The following ARL8B variants were observed in gnomAD, a reference collection of about 807,000 sequenced individuals.
ARL8B encodes the protein ARF like GTPase 8B.
A neutral mutation model predicts 30.6 loss-of-function variants in ARL8B; 9 were observed. That is an observed-to-expected ratio of 0.29 (90% CI 0.18 to 0.51). The LOEUF (loss-of-function observed/expected upper bound fraction) is 0.51, where lower values mean the gene tolerates loss of function less well. ARL8B is among the 20% of genes least tolerant of loss of function. ARL8B has a pLI of 0.97. For synonymous variants in ARL8B, 74 were observed against 76.0 expected, an observed-to-expected ratio of 0.97 and a Z score of 0.14; for missense variants, 130 against 227.2, an observed-to-expected ratio of 0.57 and a Z score of 2.75.
intron 1 of ARL8B, among the ~76,000 whole-genome samples, chr3:5,169,550 T>C (rs948039154): frequency 7.0e-6 from 1 of 142,278 alleles, no homozygotes; most frequent in African/African-American, 2.9e-5. Context: ...TTCTTTCCAG[T>C]GCTTTCTGTT....
chr3:5,124,583 C>T (rs1379824952), intron 1 of ARL8B, among the ~76,000 whole-genome samples: 1 of 152,092 alleles, frequency 6.6e-6, no homozygotes, highest in Admixed American at 6.5e-5. Flanking sequence ...TTCCCTGTCT[C>T]AGCCTCCCAA....
At chr3:5,153,965 TTTGA>T (rs1300739237) in intron 1 of ARL8B, among the ~76,000 whole-genome samples, 1 of 152,186 alleles carries the variant, frequency 6.6e-6, no homozygotes, top group Non-Finnish European at 1.5e-5. Context: ...CGGAAGATGC[TTTGA>T]TTGTTTCTGA....
At position 5,169,309 on chromosome 3, in the gene ARL8B, G is replaced by GTT. The variant is rs1167790721; in HGVS notation, c.124-1193_124-1192insTT. Among the ~76,000 whole-genome samples, 309 of 87,198 alleles carry GTT rather than the reference G, an allele frequency of 3.5e-3. 1 individual carries two copies. The highest frequency in any genetic ancestry group is 0.024 in the African/African-American group (289 of 12,244). 57.2% of individuals were successfully genotyped at this position (87,198 alleles called of 152,430 possible). A position where few individuals can be genotyped will look rare whatever the true frequency, so the allele number is the denominator to read the frequency against. On this transcript the variant is annotated intron_variant, in intron 1 of 6. Transcript: ENST00000256496. ...TCATAAAGTGAAATACAGTGTTTGT[G>GTT]TGTGTGTGTGTGTGTGTGTGTGTGT...
At chr3:5,159,602 C>CAAAAAAAAA (rs71053495) in intron 1 of ARL8B, among the ~76,000 whole-genome samples, 2 of 77,046 alleles carry the variant, frequency 2.6e-5, no homozygotes, top group Admixed American at 1.6e-4. Flanking sequence ...AACTCCGTCT[C>CAAAAAAAAA]AAAAAAAAAA....
At chr3:5,137,937 A>G (rs995748602) in intron 1 of ARL8B, among the ~76,000 whole-genome samples, 6 of 150,858 alleles carry the variant, frequency 4.0e-5, no homozygotes, top group African/African-American at 1.2e-4. Context: ...TTTGCTCACT[A>G]TTATTATATT....
chr3:5,173,751 T>C (rs1420484431), intron 4 of ARL8B, among the ~76,000 whole-genome samples: 3 of 149,776 alleles, frequency 2.0e-5, no homozygotes, highest in Admixed American at 2.0e-4. Flanking sequence ...ACAAAAAGAA[T>C]AGCAGAATGT....
chr3:5,140,817 C>T (rs886688975), intron 1 of ARL8B, among the ~76,000 whole-genome samples: 4 of 152,128 alleles, frequency 2.6e-5, no homozygotes, highest in Non-Finnish European at 5.9e-5. Flanking sequence ...GATGTTGGTT[C>T]ACGCCTGTGA....
intron 2 of ARL8B, among the ~76,000 whole-genome samples, 189 bp from the exon 3 acceptor site, chr3:5,171,961 A>T (rs1410429557): frequency 6.6e-6 from 1 of 152,230 alleles, no homozygotes; most frequent in Admixed American, 6.5e-5. Flanking sequence ...TACGGACTTC[A>T]AGTTTAGAAG....
In ARL8B at chr3:5,180,081, G is replaced by A. The variant is rs909897151; in HGVS notation, c.*1368G>A. ...TTATGTGTTGCCTCACACTGTGTGT[G>A]ATTTTGTTTCTTTTGTTAAGCAGCA... On this transcript the variant is annotated 3_prime_UTR_variant, in exon 7 of 7. Coordinates refer to ENST00000256496, the MANE Select transcript of ARL8B (RefSeq NM_018184.3). 1 of 152,652 alleles carries A rather than the reference G, an allele frequency of 6.6e-6. No individual in the cohort carries two copies. The highest frequency in any genetic ancestry group is 2.4e-5 in the African/African-American group (1 of 41,460). The allele number at this position is 152,652 out of a possible 1,614,324, so 9.5% of individuals were successfully genotyped here. A position where few individuals can be genotyped will look rare whatever the true frequency, so the allele number is the denominator to read the frequency against.
chr3:5,177,152 A>AT (rs1490024089), intron 6 of ARL8B, among the ~76,000 whole-genome samples: 2 of 152,142 alleles, frequency 1.3e-5, no homozygotes, highest in Admixed American at 1.3e-4. Context: ...TTGGGCTCAT[A>AT]TATGGAAGTG....
intron 1 of ARL8B, among the ~76,000 whole-genome samples, chr3:5,133,771 AT>A (rs1279643409): frequency 1.3e-5 from 2 of 152,236 alleles, no homozygotes; most frequent in East Asian, 3.9e-4. Context: ...TCTACAAAAA[AT>A]AAAAAAATAA....
chr3:5,161,647 G>T (rs2054583897), intron 1 of ARL8B, among the ~76,000 whole-genome samples: 1 of 152,246 alleles, frequency 6.6e-6, no homozygotes, highest in African/African-American at 2.4e-5. Context: ...GATTGAGTAA[G>T]AGGGTTTAGA....
intron 6 of ARL8B, among the ~76,000 whole-genome samples, chr3:5,174,749 A>AAT (rs1196232947): frequency 1.4e-5 from 2 of 143,890 alleles, no homozygotes; most frequent in East Asian, 3.9e-4. Context: ...TGTAATATAT[A>AAT]ATATATATAA....
rs939185158 is a variant in ARL8B, at chr3:5,170,599, C to G, written c.204+16C>G. 6.3e-7 allele frequency: 1 copy of G among 1,584,290 alleles called. No individual in the cohort carries two copies. Among genetic ancestry groups the G allele is most frequent in the South Asian group, 1.1e-5 (1 of 89,202 alleles). ...CACAATAAAGGTAAGTTATTTCTTG[C>G]CGTACGCAATTTAAATTGTTAGCAC... is the stretch of plus-strand genomic sequence containing the variant. On this transcript the variant is annotated intron_variant, in intron 2 of 6. Transcript: ENST00000256496.
chr3:5,172,125 A>G (rs1270000771), intron 2 of ARL8B, 25 bp from the exon 3 acceptor site: 1 of 1,586,910 alleles, frequency 6.3e-7, no homozygotes, highest in Non-Finnish European at 8.6e-7. Flanking sequence ...ATCTTTATTA[A>G]GAATTGCCTT....
chr3:5,177,017 G>A (rs1321730668), intron 6 of ARL8B, among the ~76,000 whole-genome samples: 4 of 152,082 alleles, frequency 2.6e-5, no homozygotes, highest in Admixed American at 6.5e-5. Flanking sequence ...GAGAAATCCT[G>A]TTCTACACTA....
Position 5,153,330 on chromosome 3 carries a change from C to T in ARL8B, c.124-17173C>T, listed in dbSNP as rs371990712. Among the ~76,000 whole-genome samples the T allele has an allele frequency of 3.8e-4, 58 of 152,264 alleles. 1 individual carries two copies. The South Asian group carries it at 8.5e-3, about 22-fold the overall frequency. ...TAAATTATGGGGCAGATCTTTCCCA[C>T]GCTGTTTTCCTGATAGTGAATTAAT... is the stretch of plus-strand genomic sequence containing the variant. On this transcript the variant is annotated intron_variant, in intron 1 of 6. Coordinates refer to ENST00000256496, the MANE Select transcript of ARL8B (RefSeq NM_018184.3).
chr3:5,153,181 C>T (rs1559281387), intron 1 of ARL8B, among the ~76,000 whole-genome samples: 1 of 152,196 alleles, frequency 6.6e-6, no homozygotes, highest in East Asian at 1.9e-4. Context: ...TTTACCTTCC[C>T]CCCTTTATAT....
At chr3:5,143,635 T>A (rs1298020663) in intron 1 of ARL8B, among the ~76,000 whole-genome samples, 1 of 152,238 alleles carries the variant, frequency 6.6e-6, no homozygotes, top group South Asian at 2.1e-4. Flanking sequence ...ATCTTAGTGG[T>A]CAGGAGCACT....
Sources: allele counts gnomAD v4.1 joint callset (sites outside exome capture counted in the v4.1 genomes callset), GRCh38; gene constraint gnomAD v4.1.1; transcripts MANE v1.5; gene names NCBI Gene and HGNC (gene_info 2026-07-23, HGNC 2026-07-21).